The following COA1 variants were observed in gnomAD, a reference collection of about 807,000 sequenced individuals.
The protein encoded by COA1 is cytochrome c oxidase assembly factor 1, also known as cytochrome c oxidase assembly factor 1 homolog.
A neutral mutation model predicts 16.0 loss-of-function variants in COA1; 13 were observed. The ratio of observed to expected loss-of-function variants is 0.81; its 90% confidence interval spans 0.53 to 1.29. The LOEUF is 1.29. COA1 is among the 50% of genes most tolerant of loss of function. The pLI, the probability that COA1 is intolerant of heterozygous loss-of-function variation, is 0.00. For synonymous variants in COA1, 65 were observed against 65.7 expected, an observed-to-expected ratio of 0.99 and a Z score of 0.05; for missense variants, 179 against 177.0, an observed-to-expected ratio of 1.01 and a Z score of -0.06.
chr7:43,716,056 G>A (rs984894382), intron 1 of COA1, among the ~76,000 whole-genome samples: 5 of 152,168 alleles, frequency 3.3e-5, no homozygotes, highest in Non-Finnish European at 7.3e-5. Context: ...GGAACTGTAA[G>A]TCCAATTAAA....
chr7:43,691,403 G>GAAA (rs1563384742), intron 1 of COA1, among the ~76,000 whole-genome samples: 21 of 105,950 alleles, frequency 2.0e-4, no homozygotes, highest in Admixed American at 7.7e-4. Flanking sequence ...AAGGAAGGAA[G>GAAA]GAAGGAAGGA....
intron 6 of COA1, among the ~76,000 whole-genome samples, chr7:43,614,160 C>T (rs10215311): frequency 0.11 from 16,088 of 152,174 alleles, 1,195 homozygotes; most frequent in Non-Finnish European, 0.15. Flanking sequence ...TCTTAGCCGC[C>T]AAATCTTCTC....
At chr7:43,662,602 A>G (rs1276197149) in intron 1 of COA1, among the ~76,000 whole-genome samples, 1 of 152,258 alleles carries the variant, frequency 6.6e-6, no homozygotes, top group African/African-American at 2.4e-5. Context: ...TCTGTCTTCT[A>G]TCAAGCCAGA....
rs960907270 is a variant in COA1 at position 43,626,640 on chromosome 7, A to G, written c.*133+12809T>C. ...ATTAGGCAAATATTTATCTCTCTGA[A>G]AAAATAGGGAGGAGGTGACCAGGAA... On this transcript the variant is annotated intron_variant and NMD_transcript_variant, in intron 6 of 6. Transcript: ENST00000415076. 10 of 152,300 alleles carry G rather than the reference A, an allele frequency of 6.6e-5. No individual in the cohort carries two copies. The South Asian group carries it at 1.9e-3, about 28-fold the overall frequency. The allele number at this position is 152,300 out of a possible 1,614,324, so 9.4% of individuals were successfully genotyped here. A position where few individuals can be genotyped will look rare whatever the true frequency, so the allele number is the denominator to read the frequency against.
At chr7:43,643,408 A>G (rs2087725713) in intron 4 of COA1, among the ~76,000 whole-genome samples, 1 of 152,222 alleles carries the variant, frequency 6.6e-6, no homozygotes, top group South Asian at 2.1e-4. Context: ...GCTGGGGTCT[A>G]GCCAAGTGAC....
intron 1 of COA1, among the ~76,000 whole-genome samples, chr7:43,700,619 T>TGTGTGTGTG (rs397766419): frequency 2.7e-5 from 4 of 150,082 alleles, no homozygotes; most frequent in Admixed American, 6.7e-5. Context: ...TGTGTGTGTG[T>TGTGTGTGTG]TAGAGTAAGG....
At chr7:43,690,466 T>A (rs1040538579) in intron 1 of COA1, among the ~76,000 whole-genome samples, 12 of 152,006 alleles carry the variant, frequency 7.9e-5, no homozygotes, top group African/African-American at 2.9e-4. Context: ...CACACATATA[T>A]GTATATACAC....
At chr7:43,627,728 G>C (rs986131238) in intron 6 of COA1, among the ~76,000 whole-genome samples, 36 of 152,158 alleles carry the variant, frequency 2.4e-4, no homozygotes, top group African/African-American at 8.2e-4. Context: ...AATCACTATT[G>C]TTTTGGAGAG....
At chr7:43,711,361 T>C (rs2095241923) in intron 1 of COA1, 1 of 151,456 alleles carries the variant, frequency 6.6e-6, no homozygotes, top group South Asian at 2.1e-4. Context: ...GAACAACAGA[T>C]CAACTACAGT....
chr7:43,713,936 G>A (rs1176838111), intron 1 of COA1, among the ~76,000 whole-genome samples: 2 of 152,066 alleles, frequency 1.3e-5, no homozygotes, highest in East Asian at 3.9e-4. Flanking sequence ...CTACTCAAGA[G>A]GCTGAGGCAG....
intron 1 of COA1, among the ~76,000 whole-genome samples, chr7:43,698,590 T>C (rs2094600921): frequency 6.6e-6 from 1 of 152,098 alleles, no homozygotes; most frequent in South Asian, 2.1e-4. Context: ...ATAGTAAAGG[T>C]TTAGAGTTGA....
intron 1 of COA1, among the ~76,000 whole-genome samples, chr7:43,709,787 A>C (rs1308061021): frequency 6.6e-6 from 1 of 152,154 alleles, no homozygotes. Flanking sequence ...ATATAAATTT[A>C]TCTTTTAATG....
intron 1 of COA1, among the ~76,000 whole-genome samples, chr7:43,724,214 C>T (rs1013051584): frequency 6.6e-6 from 1 of 152,050 alleles, no homozygotes; most frequent in Non-Finnish European, 1.5e-5. Flanking sequence ...AACAGAATTA[C>T]CCTACAATCC....
intron 1 of COA1, among the ~76,000 whole-genome samples, chr7:43,676,065 TAAAG>T (rs1274358637): frequency 3.3e-5 from 5 of 152,132 alleles, no homozygotes; most frequent in African/African-American, 1.2e-4. Context: ...TAGCTACTAA[TAAAG>T]AAATCTCGTA....
At chr7:43,618,457 C>A (rs2083551606) in intron 6 of COA1, among the ~76,000 whole-genome samples, 1 of 152,138 alleles carries the variant, frequency 6.6e-6, no homozygotes, top group Non-Finnish European at 1.5e-5. Context: ...GGAGCCGTGA[C>A]AGATTAATCT....
intron 1 of COA1, among the ~76,000 whole-genome samples, chr7:43,667,069 G>A (rs554626626): frequency 6.6e-6 from 1 of 152,172 alleles, no homozygotes; most frequent in Non-Finnish European, 1.5e-5. Context: ...ACAAATTGGG[G>A]TTAACATTAA....
chr7:43,727,134 C>T (rs534067463), intron 1 of COA1, among the ~76,000 whole-genome samples: 2 of 152,266 alleles, frequency 1.3e-5, no homozygotes, highest in African/African-American at 2.4e-5. Flanking sequence ...ACAATTATTA[C>T]ATGTCAACGA....
At chr7:43,704,611 C>T (rs1216712180) in intron 1 of COA1, among the ~76,000 whole-genome samples, 1 of 152,216 alleles carries the variant, frequency 6.6e-6, no homozygotes, top group African/African-American at 2.4e-5. Flanking sequence ...CTGTTATTAA[C>T]ACTTCCAATT....
intron 1 of COA1, chr7:43,648,908 G>A (rs568226805): frequency 2.0e-5 from 8 of 397,178 alleles, no homozygotes; most frequent in Admixed American, 2.0e-4. Flanking sequence ...CCAAAGAACC[G>A]GTGTGCACAA....
Sources: gnomAD v4.1 joint callset for allele counts (sites outside exome capture counted in the v4.1 genomes callset) on GRCh38, gnomAD v4.1.1 for gene constraint, MANE v1.5 for transcripts, NCBI Gene and HGNC (gene_info 2026-07-23, HGNC 2026-07-21) for gene names.